Variants in DLG2 observed in about 807,000 individuals in gnomAD.
DLG2 encodes discs large MAGUK scaffold protein 2.
In DLG2, 45 loss-of-function variants were observed where a neutral mutation model predicts 132.5. The ratio of observed to expected loss-of-function variants is 0.34; its 90% CI spans 0.27 to 0.44. DLG2 has a LOEUF of 0.44. DLG2 is among the 20% of genes least tolerant of loss of function. DLG2 has a pLI of 1.00. For synonymous variants in DLG2, 424 were observed against 419.6 expected, an observed-to-expected ratio of 1.01 and a Z score of -0.13; for missense variants, 1,045 against 1,196.9, an observed-to-expected ratio of 0.87 and a Z score of 1.87.
At chr11:85,002,996 T>C (rs2058345660) in intron 6 of DLG2, among the ~76,000 whole-genome samples, 1 of 152,112 alleles carries the variant, frequency 6.6e-6, no homozygotes, top group Non-Finnish European at 1.5e-5. Flanking sequence ...CAAAATATTG[T>C]TAATATAGTA....
Position 84,206,050 on chromosome 11 carries a change from C to T in DLG2, c.574-42539G>A, listed in dbSNP as rs531267152. On this transcript the variant is annotated intron_variant, in intron 8 of 27. Transcript: ENST00000376104. ...ACAGAAATGAAGGCAATATTATCAA[C>T]ATTTCTATGCTAGTAAACTCTGCAG... is the stretch of plus-strand genomic sequence containing the variant. Among the ~76,000 whole-genome samples the T allele has an allele frequency of 2.0e-5, 3 of 152,136 alleles. No homozygotes were observed. In the East Asian group the frequency reaches 5.8e-4, roughly 29 times the overall value.
intron 7 of DLG2, among the ~76,000 whole-genome samples, chr11:84,266,219 G>C (rs1054271267): frequency 1.3e-5 from 2 of 152,142 alleles, no homozygotes; most frequent in Middle Eastern, 3.2e-3. Flanking sequence ...TCACAAGACC[G>C]GTAGTCAAAG....
At chr11:84,191,846 C>A (rs1207903069) in intron 8 of DLG2, among the ~76,000 whole-genome samples, 1 of 151,910 alleles carries the variant, frequency 6.6e-6, no homozygotes, top group Non-Finnish European at 1.5e-5. Flanking sequence ...AACATTCTGT[C>A]AAACAACTGA....
intron 4 of DLG2, among the ~76,000 whole-genome samples, chr11:85,188,520 A>C (rs2080294827): frequency 6.6e-6 from 1 of 152,134 alleles, no homozygotes; most frequent in Non-Finnish European, 1.5e-5. Context: ...GTCAACAGAA[A>C]CTCTCTTAAT....
At chr11:83,765,550 C>T (rs1165793557) in intron 18 of DLG2, among the ~76,000 whole-genome samples, 1 of 152,154 alleles carries the variant, frequency 6.6e-6, no homozygotes, top group Non-Finnish European at 1.5e-5. Flanking sequence ...ATTTGTACAC[C>T]ATAGGCTGGA....
intron 4 of DLG2, among the ~76,000 whole-genome samples, chr11:85,246,092 T>G (rs1415180790): frequency 6.6e-6 from 1 of 152,030 alleles, no homozygotes; most frequent in African/African-American, 2.4e-5. Flanking sequence ...ATTACTTTTA[T>G]TGTCTATAGC....
At chr11:84,593,755 C>T (rs556782704) in intron 6 of DLG2, among the ~76,000 whole-genome samples, 5 of 152,102 alleles carry the variant, frequency 3.3e-5, no homozygotes, top group Non-Finnish European at 5.9e-5. Flanking sequence ...ATGTAATAAA[C>T]GTGCAGGTTC....
intron 8 of DLG2, among the ~76,000 whole-genome samples, chr11:84,213,058 G>A (rs911675511): frequency 6.6e-5 from 10 of 152,118 alleles, no homozygotes; most frequent in Non-Finnish European, 1.2e-4. Context: ...TTTACTTTCA[G>A]GAGGAGCTGC....
At chr11:84,805,996 C>T (rs1299340089) in intron 6 of DLG2, among the ~76,000 whole-genome samples, 1 of 151,846 alleles carries the variant, frequency 6.6e-6, no homozygotes. Flanking sequence ...AAAAGGTATG[C>T]AAAAACCAAA....
chr11:83,516,727 C>CA (rs1229945715), intron 21 of DLG2, among the ~76,000 whole-genome samples: 2 of 152,148 alleles, frequency 1.3e-5, no homozygotes, highest in East Asian at 3.9e-4. Context: ...CTGGTGGTGA[C>CA]AAAATCTCTC....
chr11:83,566,712 GGTGTGTGTGTGT>G (rs59829516), intron 19 of DLG2, among the ~76,000 whole-genome samples: 203 of 144,042 alleles, frequency 1.4e-3, no homozygotes, highest in African/African-American at 4.8e-3. Context: ...CAGAGGGCAT[GGTGTGTGTGTGT>G]GTGTGTGTGT....
At chr11:85,186,392 C>A (rs1189486958) in intron 4 of DLG2, among the ~76,000 whole-genome samples, 1 of 151,950 alleles carries the variant, frequency 6.6e-6, no homozygotes, top group Non-Finnish European at 1.5e-5. Flanking sequence ...TATCCAACAT[C>A]TCAATTTACA....
chr11:84,554,472 T>C (rs2099407924), intron 6 of DLG2, among the ~76,000 whole-genome samples: 3 of 152,044 alleles, frequency 2.0e-5, no homozygotes, highest in Admixed American at 2.0e-4. Context: ...ATGGGCCGGG[T>C]GCGGTAGCTC....
intron 6 of DLG2, among the ~76,000 whole-genome samples, chr11:84,913,121 T>C (rs1024614050): frequency 6.6e-6 from 1 of 152,072 alleles, no homozygotes; most frequent in Non-Finnish European, 1.5e-5. Flanking sequence ...CTCTGGAGAG[T>C]AAAAATGATT....
At chr11:83,770,255 G>GTTTTTT (rs143065797) in intron 18 of DLG2, among the ~76,000 whole-genome samples, 58 of 109,916 alleles carry the variant, frequency 5.3e-4, no homozygotes, top group African/African-American at 2.2e-3. Context: ...GGTGTCTGGT[G>GTTTTTT]TTTTTTTTTG....
chr11:84,280,671 A>T (rs754260681), intron 7 of DLG2, among the ~76,000 whole-genome samples: 1 of 150,040 alleles, frequency 6.7e-6, no homozygotes, highest in Non-Finnish European at 1.5e-5. Context: ...CAGGGGTTGA[A>T]CCATACATCT....
At chr11:84,610,698 A>T (rs756817480) in intron 6 of DLG2, among the ~76,000 whole-genome samples, 25 of 152,086 alleles carry the variant, frequency 1.6e-4, no homozygotes, top group Non-Finnish European at 3.2e-4. Context: ...TGGCCTTGCC[A>T]ATCCTGACTT....
At chr11:84,049,181 G>C (rs972471352) in intron 11 of DLG2, among the ~76,000 whole-genome samples, 4 of 151,588 alleles carry the variant, frequency 2.6e-5, no homozygotes, top group Admixed American at 6.6e-5. Flanking sequence ...AAATAGAAAA[G>C]CTGGTAAAAT....
At chr11:83,578,435 T>C (rs2096917921) in intron 19 of DLG2, among the ~76,000 whole-genome samples, 1 of 151,992 alleles carries the variant, frequency 6.6e-6, no homozygotes, top group South Asian at 2.1e-4. Flanking sequence ...CTGTAAAAAG[T>C]TCAAGGCACT....
Sources: allele counts gnomAD v4.1 joint callset (sites outside exome capture counted in the v4.1 genomes callset), GRCh38; gene constraint gnomAD v4.1.1; transcripts MANE v1.5; gene names NCBI Gene and HGNC (gene_info 2026-07-23, HGNC 2026-07-21).